ZDHHC15: variants seen among roughly 807,000 people sequenced by gnomAD.
ZDHHC15 encodes the protein zDHHC palmitoyltransferase 15, also known as palmitoyltransferase ZDHHC15.
ZDHHC15 carries 19 observed loss-of-function variants against 31.7 expected under a neutral mutation model. That is an observed-to-expected ratio of 0.60 (90% CI 0.42 to 0.88). The LOEUF (loss-of-function observed/expected upper bound fraction) is 0.88, where lower values mean the gene tolerates loss of function less well. Among genes scored for constraint, ZDHHC15 ranks in the 40% least tolerant of loss-of-function variants. The pLI is 0.00. For synonymous variants in ZDHHC15, 103 were observed against 90.0 expected (o/e 1.14, Z -0.82); for missense variants, 209 against 251.2 (o/e 0.83, Z 1.14).
intron 3 of ZDHHC15, among the ~76,000 whole-genome samples, chrX:75,453,322 C>T (rs2084156250): frequency 9.0e-6 from 1 of 111,281 alleles, no homozygotes; most frequent in African/African-American, 3.3e-5. Flanking sequence ...CACATATACC[C>T]TCCCAAGACT....
chrX:75,483,349 C>A (rs1245456333), intron 2 of ZDHHC15, among the ~76,000 whole-genome samples: 1 of 109,979 alleles, frequency 9.1e-6, no homozygotes, highest in East Asian at 2.9e-4. Context: ...GTAATCCCAG[C>A]CCTTTGGGAG....
chrX:75,498,498 C>T (rs189084598), intron 2 of ZDHHC15, among the ~76,000 whole-genome samples: 1 of 111,412 alleles, frequency 9.0e-6, no homozygotes, highest in East Asian at 2.8e-4. Flanking sequence ...ACCAACAACG[C>T]CCAAGCTGAG....
chrX:75,458,807 A>T (rs1380314968), intron 3 of ZDHHC15, among the ~76,000 whole-genome samples: 2 of 109,443 alleles, frequency 1.8e-5, no homozygotes, highest in Non-Finnish European at 1.9e-5. Context: ...AGGGGCCTAG[A>T]TGGCTGATTA....
At chrX:75,418,337 C>T (rs1050313261) in intron 9 of ZDHHC15, among the ~76,000 whole-genome samples, 7 of 111,673 alleles carry the variant, frequency 6.3e-5, no homozygotes, top group African/African-American at 2.3e-4. Flanking sequence ...AACAAAGTTA[C>T]CTCAACTAAG....
intron 10 of ZDHHC15, among the ~76,000 whole-genome samples, chrX:75,398,816 C>A (rs192032480): frequency 3.6e-5 from 4 of 111,565 alleles, no homozygotes; most frequent in African/African-American, 1.3e-4. Flanking sequence ...TGTGAGGTGA[C>A]CAAGGGCTGA....
chrX:75,384,697 T>G (rs1602544332), intron 10 of ZDHHC15: 2 of 810,792 alleles, frequency 2.5e-6, no homozygotes, highest in East Asian at 3.2e-5. Context: ...GAGAAAGAAA[T>G]AAGCCAAAGA....
intron 2 of ZDHHC15, among the ~76,000 whole-genome samples, chrX:75,504,616 T>C (rs752835368): frequency 8.9e-6 from 1 of 111,822 alleles, no homozygotes; most frequent in East Asian, 2.8e-4. Flanking sequence ...AGATAGTCAT[T>C]AGACTATGAC....
At chrX:75,458,701 G>C (rs1438658311) in intron 3 of ZDHHC15, among the ~76,000 whole-genome samples, 2 of 109,766 alleles carry the variant, frequency 1.8e-5, no homozygotes, top group East Asian at 5.8e-4. Flanking sequence ...GTGTACCATA[G>C]GCAATTAATC....
chrX:75,393,382 TTCA>T (rs2083266706), intron 10 of ZDHHC15, among the ~76,000 whole-genome samples: 1 of 111,007 alleles, frequency 9.0e-6, no homozygotes, highest in East Asian at 2.9e-4. Context: ...AATCCTTGAG[TTCA>T]TCATTTTCCT....
chrX:75,450,200 A>G (rs2084096423), intron 4 of ZDHHC15, among the ~76,000 whole-genome samples: 1 of 112,079 alleles, frequency 8.9e-6, no homozygotes. Flanking sequence ...CTGTGATTCC[A>G]ATTATATAAA....
intron 3 of ZDHHC15, among the ~76,000 whole-genome samples, chrX:75,469,038 T>C (rs939910643): frequency 7.1e-5 from 6 of 84,476 alleles, no homozygotes; most frequent in Non-Finnish European, 1.6e-4. Context: ...ATAGTGTTGT[T>C]TGATGTACAA....
At chrX:75,473,203 G>C (rs2084531740) in intron 3 of ZDHHC15, among the ~76,000 whole-genome samples, 1 of 112,005 alleles carries the variant, frequency 8.9e-6, no homozygotes, top group African/African-American at 3.2e-5. Context: ...CAGTGGAATA[G>C]CCTTTTGAAA....
At chrX:75,467,136 GAA>G (rs2084419561) in intron 3 of ZDHHC15, among the ~76,000 whole-genome samples, 2 of 112,471 alleles carry the variant, frequency 1.8e-5, no homozygotes, top group Non-Finnish European at 3.8e-5. Context: ...AAAGTAATAT[GAA>G]AAACAACTGG....
chrX:75,513,207 C>A (rs1001937302), intron 1 of ZDHHC15, among the ~76,000 whole-genome samples: 1 of 111,681 alleles, frequency 9.0e-6, no homozygotes. Context: ...CTAGGCATTA[C>A]CATTCAGGAC....
intron 1 of ZDHHC15, among the ~76,000 whole-genome samples, chrX:75,517,668 C>T (rs1252484753): frequency 9.2e-6 from 1 of 108,322 alleles, no homozygotes; most frequent in Non-Finnish European, 1.9e-5. Flanking sequence ...AGCACACCAA[C>T]ATGGCACATG....
At chrX:75,383,905 A>ATT (rs201037371) in intron 10 of ZDHHC15, among the ~76,000 whole-genome samples, 88 of 102,321 alleles carry the variant, frequency 8.6e-4, no homozygotes, top group African/African-American at 1.2e-3. Flanking sequence ...CACCCAGCTA[A>ATT]TTTTTTTTTT....
At chrX:75,516,250 G>A (rs2085354509) in intron 1 of ZDHHC15, among the ~76,000 whole-genome samples, 1 of 111,578 alleles carries the variant, frequency 9.0e-6, no homozygotes, top group Non-Finnish European at 1.9e-5. Context: ...AGTTCATGTG[G>A]AACCAAAAAA....
chrX:75,424,167 A>AT (rs375608452), intron 8 of ZDHHC15, among the ~76,000 whole-genome samples: 188 of 104,689 alleles, frequency 1.8e-3, no homozygotes, highest in Admixed American at 3.9e-3. Flanking sequence ...ATATTTACTG[A>AT]TTTTTTTTTT....
Position 75,449,494 on chromosome X carries a change from A to G in ZDHHC15, c.379+1308T>C, listed in dbSNP as rs1362093798. ...CATTTTTGTTTCACCTATCTCTTCC[A>G]CTGGCTTTTTACTTGATCATTTTAA... On this transcript the variant is annotated intron_variant, in intron 4 of 11. Coordinates refer to ENST00000373367, the MANE Select transcript of ZDHHC15 (RefSeq NM_144969.3). Among the ~76,000 whole-genome samples the G allele has an allele frequency of 2.7e-5, 3 of 111,337 alleles. No homozygotes were observed. In the East Asian group the frequency reaches 8.4e-4, roughly 31 times the overall value.
Sources: gnomAD v4.1 joint callset for allele counts (sites outside exome capture counted in the v4.1 genomes callset) on GRCh38, gnomAD v4.1.1 for gene constraint, MANE v1.5 for transcripts, NCBI Gene and HGNC (gene_info 2026-07-23, HGNC 2026-07-21) for gene names.